The following PPFIBP1 variants were observed in gnomAD, a reference collection of about 807,000 sequenced individuals.
The protein encoded by PPFIBP1 is PPFIB scaffold protein 1.
PPFIBP1 carries 112 observed loss-of-function variants against 137.8 expected under a neutral mutation model. The observed-to-expected ratio is 0.81, with a 90% CI of 0.70 to 0.95. The LOEUF is 0.95. Ranked by LOEUF, PPFIBP1 falls within the 40% of genes least tolerant of loss-of-function variation. The pLI is 0.00. For synonymous variants in PPFIBP1, 378 were observed against 417.3 expected (o/e 0.91, Z 1.15); for missense variants, 1,083 against 1,196.6 (o/e 0.91, Z 1.40).
At chr12:27,556,222 A>G (rs2048692331) in intron 1 of PPFIBP1, among the ~76,000 whole-genome samples, 1 of 152,244 alleles carries the variant, frequency 6.6e-6, no homozygotes, top group Non-Finnish European at 1.5e-5. Context: ...TAGATGGCTA[A>G]TAATATTTTC....
At chr12:27,688,086 TA>T (rs58069791) in intron 25 of PPFIBP1, 74,882 of 437,240 alleles carry the variant, frequency 0.17, 4 homozygotes, top group South Asian at 0.24. Flanking sequence ...GACCCTGTCT[TA>T]AAAAAAAAAA....
intron 2 of PPFIBP1, among the ~76,000 whole-genome samples, chr12:27,608,111 G>T (rs2054720665): frequency 6.6e-6 from 1 of 152,106 alleles, no homozygotes; most frequent in Admixed American, 6.5e-5. Flanking sequence ...TCCTTAAGAG[G>T]ATATCAAGTA....
At chr12:27,664,541 C>A in intron 12 of PPFIBP1, 95 bp downstream of exon 12, 1 of 811,514 alleles carries the variant, frequency 1.2e-6, no homozygotes, top group African/African-American at 1.7e-5. Flanking sequence ...GGATCATACC[C>A]ATTGTCCCAA....
At chr12:27,637,272 G>T (rs2057749257) in intron 4 of PPFIBP1, 1 of 152,146 alleles carries the variant, frequency 6.6e-6, no homozygotes, top group Non-Finnish European at 1.5e-5. Context: ...AGTTATATTT[G>T]TAATGAATGA....
In PPFIBP1 at chr12:27,635,013, T is replaced by A; in HGVS notation, c.168T>A (p.Arg56=). The change falls in exon 4 of 30, where the codon CGT becomes CGA. Residue 56 remains arginine, a synonymous_variant. Coordinates refer to ENST00000228425, the MANE Select transcript of PPFIBP1 (RefSeq NM_003622.4). ...LRALHLVEDL[R]GLLEMMETDE... Reference sequence around the variant, plus strand: ...CTCTGCACCTTGTGGAAGACCTGCGTGGATTGTTAGAGATGATGGAAACAG... The same window carrying A: ...CTCTGCACCTTGTGGAAGACCTGCGAGGATTGTTAGAGATGATGGAAACAG... 6.2e-7 allele frequency: 1 copy of A among 1,614,138 alleles called. No individual in the cohort carries two copies. The highest frequency in any genetic ancestry group is 8.5e-7 in the Non-Finnish European group (1 of 1,179,988).
At position 27,694,487 on chromosome 12, in the gene PPFIBP1, A is replaced by G. The variant is rs1181850692; in HGVS notation, c.*1605A>G. ...GTCTGCCTAAACATGTTCATTGTAC[A>G]TTTCTCAGGCTATCAATGAATGGAG... On this transcript the variant is annotated 3_prime_UTR_variant, in exon 30 of 30. Coordinates refer to ENST00000228425, the MANE Select transcript of PPFIBP1 (RefSeq NM_003622.4). The G allele has an allele frequency of 5.3e-5, 8 of 152,242 alleles. No homozygotes were observed. Among genetic ancestry groups the G allele is most frequent in the African/African-American group, 1.9e-4 (8 of 41,472 alleles). 9.4% of individuals were successfully genotyped at this position (152,242 alleles called of 1,614,324 possible).
At chr12:27,625,417 G>C (rs2056729937) in intron 2 of PPFIBP1, among the ~76,000 whole-genome samples, 1 of 151,802 alleles carries the variant, frequency 6.6e-6, no homozygotes, top group Non-Finnish European at 1.5e-5. Flanking sequence ...TTTTATCCAT[G>C]AGTATTTTGT....
chr12:27,681,398 A>G lies in PPFIBP1; in HGVS notation c.1896-148A>G, dbSNP rs563546988. The G allele has an allele frequency of 6.3e-6, 5 of 796,240 alleles. No homozygotes were observed. In the Admixed American group the frequency reaches 8.1e-5, roughly 13 times the overall value. The allele number at this position is 796,240 out of a possible 1,614,324, so 49.3% of individuals were successfully genotyped here. A position where few individuals can be genotyped will look rare whatever the true frequency, so the allele number is the denominator to read the frequency against. On this transcript the variant is annotated intron_variant, in intron 21 of 29. Transcript: ENST00000228425. ...TAACTTTCAACCAGTTGTTCCTCCA[A>G]TGTATACTAAAAATTAAGCTTTTCA...
intron 2 of PPFIBP1, chr12:27,593,550 C>T (rs534136630): frequency 3.3e-5 from 12 of 367,656 alleles, no homozygotes; most frequent in Non-Finnish European, 5.3e-5. Flanking sequence ...AGCTGCCGTA[C>T]AGCTGGAAAT....
intron 2 of PPFIBP1, among the ~76,000 whole-genome samples, chr12:27,601,036 A>G (rs901012599): frequency 1.3e-5 from 2 of 152,176 alleles, no homozygotes; most frequent in African/African-American, 4.8e-5. Flanking sequence ...AACTGTCATC[A>G]CCTTGCTATG....
chr12:27,544,001 T>C (rs186237488), intron 1 of PPFIBP1, among the ~76,000 whole-genome samples: 2 of 150,476 alleles, frequency 1.3e-5, no homozygotes, highest in African/African-American at 4.9e-5. Context: ...CACCTAAGCC[T>C]CTCAAGTAGC....
intron 1 of PPFIBP1, among the ~76,000 whole-genome samples, chr12:27,563,033 G>T (rs1259293332): frequency 6.6e-6 from 1 of 151,642 alleles, no homozygotes; most frequent in Non-Finnish European, 1.5e-5. Flanking sequence ...AGGCACTGCT[G>T]TGAAGGAACT....
At chr12:27,647,077 C>CT (rs1195162342) in intron 5 of PPFIBP1, among the ~76,000 whole-genome samples, 1 of 152,234 alleles carries the variant, frequency 6.6e-6, no homozygotes, top group African/African-American at 2.4e-5. Flanking sequence ...TCTTGGCTCA[C>CT]TGCAACCTCC....
chr12:27,536,302 A>G (rs996127630), intron 1 of PPFIBP1, among the ~76,000 whole-genome samples: 1 of 152,228 alleles, frequency 6.6e-6, no homozygotes, highest in African/African-American at 2.4e-5. Context: ...GCATTGCTAT[A>G]TAGGAAAACT....
chr12:27,627,540 A>C (rs1429401984), intron 2 of PPFIBP1, among the ~76,000 whole-genome samples: 1 of 152,220 alleles, frequency 6.6e-6, no homozygotes, highest in African/African-American at 2.4e-5. Flanking sequence ...AAGAAAGCTG[A>C]GAAAGCTAGG....
intron 1 of PPFIBP1, among the ~76,000 whole-genome samples, chr12:27,577,666 G>A (rs889847393): frequency 7.2e-5 from 11 of 152,242 alleles, no homozygotes; most frequent in Middle Eastern, 3.4e-3. Context: ...AAAAATGCAA[G>A]TCTGAAAAAT....
chr12:27,664,567 C>T (rs1292909833), intron 12 of PPFIBP1, 121 bp downstream of exon 12: 9 of 685,850 alleles, frequency 1.3e-5, no homozygotes, highest in East Asian at 2.8e-5. Flanking sequence ...GTAGCTAATT[C>T]GTTAATTGAA....
rs771874695 is a variant in PPFIBP1, at chr12:27,691,947, A to G, written c.2865+19A>G. 1 of 1,565,118 alleles carries G rather than the reference A, an allele frequency of 6.4e-7. No individual in the cohort carries two copies. On this transcript the variant is annotated intron_variant, in intron 28 of 29. Transcript: ENST00000228425. ...AGAGCAGGTAAATCCAACACTGTATAACTTTTTGCGAGTTCTTCCATCATT... is the reference window on the plus strand; with the variant it reads ...AGAGCAGGTAAATCCAACACTGTATGACTTTTTGCGAGTTCTTCCATCATT...
At chr12:27,618,780 T>A (rs2056042801) in intron 2 of PPFIBP1, among the ~76,000 whole-genome samples, 1 of 152,234 alleles carries the variant, frequency 6.6e-6, no homozygotes, top group Non-Finnish European at 1.5e-5. Flanking sequence ...CACTCATGTT[T>A]GGCTCAGAAT....
Sources: allele counts gnomAD v4.1 joint callset (sites outside exome capture counted in the v4.1 genomes callset), GRCh38; gene constraint gnomAD v4.1.1; transcripts MANE v1.5; gene names NCBI Gene and HGNC (gene_info 2026-07-23, HGNC 2026-07-21).